PKHD1: variants seen among roughly 807,000 people sequenced by gnomAD.
PKHD1 encodes fibrocystin.
In PKHD1, 291 loss-of-function variants were observed where a neutral mutation model predicts 412.0. The ratio of observed to expected loss-of-function variants is 0.71; its 90% confidence interval spans 0.64 to 0.78. The LOEUF (loss-of-function observed/expected upper bound fraction) is 0.78. Ranked by LOEUF, PKHD1 falls within the 30% of genes least tolerant of loss-of-function variation. The pLI, the probability that PKHD1 is intolerant of heterozygous loss-of-function variation, is 0.00. For missense variants in PKHD1, 4,825 were observed against 4,950.7 expected (o/e 0.97, Z 0.76); for synonymous variants, 1,777 against 1,821.5 (o/e 0.98, Z 0.62).
intron 37 of PKHD1, among the ~76,000 whole-genome samples, chr6:51,929,933 C>T (rs1786312147): frequency 6.6e-6 from 1 of 152,192 alleles, no homozygotes; most frequent in Non-Finnish European, 1.5e-5. Context: ...AAGAAACTGT[C>T]AGCCAAATTT....
At chr6:51,636,369 C>A in intron 64 of PKHD1, among the ~76,000 whole-genome samples, 1 of 151,934 alleles carries the variant, frequency 6.6e-6, no homozygotes, top group East Asian at 1.9e-4. Context: ...AAGATCCCAT[C>A]TCTACCAAAA....
intron 60 of PKHD1, among the ~76,000 whole-genome samples, chr6:51,706,687 C>A (rs1259311929): frequency 6.6e-6 from 1 of 152,042 alleles, no homozygotes; most frequent in East Asian, 1.9e-4. Flanking sequence ...CCCTACAGTC[C>A]CATCCCAAGC....
rs542546099 is a variant in PKHD1 at position 51,909,206 on chromosome 6, A to G, written c.6682+77T>C. On this transcript the variant is annotated intron_variant, in intron 40 of 66. Transcript: ENST00000371117. ...ATCCCTCAAATCCCACATATCATCTATCATTCCACCATGCATGTAGTGCCT... is the reference window on the plus strand; with the variant it reads ...ATCCCTCAAATCCCACATATCATCTGTCATTCCACCATGCATGTAGTGCCT... 2.3e-5 allele frequency: 25 copies of G among 1,069,156 alleles called. 1 individual carries two copies. Among genetic ancestry groups the G allele is most frequent in the African/African-American group, 1.1e-4 (7 of 64,428 alleles). The allele number at this position is 1,069,156 out of a possible 1,614,324, so 66.2% of individuals were successfully genotyped here.
intron 1 of PKHD1, among the ~76,000 whole-genome samples, chr6:52,086,354 C>G (rs1032613082): frequency 1.3e-5 from 2 of 151,872 alleles, no homozygotes; most frequent in African/African-American, 4.8e-5. Context: ...CAAGTGATCT[C>G]CCTGCCTCAG....
intron 48 of PKHD1, among the ~76,000 whole-genome samples, chr6:51,866,822 C>T (rs1203595864): frequency 6.6e-6 from 1 of 152,044 alleles, no homozygotes; most frequent in African/African-American, 2.4e-5. Context: ...AAAAGTCATG[C>T]TCTGCACAAT....
At chr6:52,053,889 T>G in intron 20 of PKHD1, 149 bp downstream of exon 20, 1 of 793,944 alleles carries the variant, frequency 1.3e-6, no homozygotes, top group South Asian at 1.5e-5. Context: ...GTCAAACTTT[T>G]TTGTCAAATA....
intron 13 of PKHD1, 37 bp downstream of exon 13, chr6:52,064,918 T>G: frequency 1.0e-6 from 1 of 972,390 alleles, no homozygotes; most frequent in East Asian, 2.8e-5. Context: ...ATTAAAGATA[T>G]TCAGAGTTTA....
intron 35 of PKHD1, among the ~76,000 whole-genome samples, chr6:52,001,968 C>T (rs1228330618): frequency 3.3e-5 from 5 of 151,910 alleles, no homozygotes; most frequent in Non-Finnish European, 5.9e-5. Flanking sequence ...AATGATAATC[C>T]CTGGCACATT....
In PKHD1 at chr6:51,848,241, C is replaced by T. The variant is rs147135857; in HGVS notation, c.7912-271G>A. Among the ~76,000 whole-genome samples, 56 of 152,262 alleles carry T rather than the reference C, an allele frequency of 3.7e-4. 2 individuals carry two copies. The highest frequency in any genetic ancestry group is 1.3e-3 in the African/African-American group (56 of 41,546). ...TCATCTCGTTTAACAATCTCAATTA[C>T]CAGAGGAGAAAGCCAAGGCCCAGAC... On this transcript the variant is annotated intron_variant, in intron 49 of 66. Coordinates refer to ENST00000371117, the MANE Select transcript of PKHD1 (RefSeq NM_138694.4).
At chr6:51,645,222 A>G (rs1311177592) in intron 63 of PKHD1, among the ~76,000 whole-genome samples, 3 of 152,220 alleles carry the variant, frequency 2.0e-5, no homozygotes, top group Non-Finnish European at 4.4e-5. Context: ...AAGAATTTGC[A>G]AAAGTTAACA....
intron 66 of PKHD1, among the ~76,000 whole-genome samples, chr6:51,625,023 C>A (rs1160321156): frequency 3.9e-5 from 6 of 152,134 alleles, no homozygotes; most frequent in Admixed American, 3.3e-4. Flanking sequence ...AAAAACCTGG[C>A]AACAGTAAAA....
intron 35 of PKHD1, among the ~76,000 whole-genome samples, chr6:51,994,061 T>G (rs1438604895): frequency 1.3e-5 from 2 of 152,176 alleles, no homozygotes; most frequent in Admixed American, 6.5e-5. Context: ...AAGCTTTTAA[T>G]GTCTGACTGG....
chr6:51,798,207 C>T (rs374809547), intron 52 of PKHD1, among the ~76,000 whole-genome samples: 8 of 152,108 alleles, frequency 5.3e-5, no homozygotes, highest in African/African-American at 1.9e-4. Flanking sequence ...GGCAAAACCT[C>T]GTCTCTACTA....
intron 60 of PKHD1, among the ~76,000 whole-genome samples, chr6:51,708,931 A>C (rs1418655311): frequency 1.3e-5 from 2 of 152,258 alleles, no homozygotes; most frequent in Non-Finnish European, 2.9e-5. Flanking sequence ...AAGGGAAGAA[A>C]GAGCAGGAGA....
Position 51,836,367 on chromosome 6 carries a change from C to T in PKHD1, c.8173+37G>A, listed in dbSNP as rs12523900. The T allele has an allele frequency of 0.051, 68,775 of 1,346,820 alleles. 2,047 individuals carry two copies. Among genetic ancestry groups the T allele is most frequent in the East Asian group, 0.081 (3,528 of 43,592 alleles). The allele number at this position is 1,346,820 out of a possible 1,614,324, so 83.4% of individuals were successfully genotyped here. ...GTAGAACTACTGGAGGACATTCTGC[C>T]ATACTAGACACTTCTACTTCGTGTG... On this transcript the variant is annotated intron_variant, in intron 51 of 66. Transcript: ENST00000371117.
At position 52,028,309 on chromosome 6, in the gene PKHD1, T is replaced by C. The variant is rs41273726; in HGVS notation, c.3407A>G (p.Tyr1136Cys). 13,653 of 1,614,058 alleles carry C rather than the reference T, an allele frequency of 8.5e-3. 114 individuals carry two copies. The highest frequency in any genetic ancestry group is 9.8e-3 in the Non-Finnish European group (11,505 of 1,179,996). Reference protein sequence around the residue: ...LVIGVARLMNYTDLDVEVHVQ... With the variant: ...LVIGVARLMNCTDLDVEVHVQ... ...GTGGACTTCCACATCCAAATCCGTATAGTTCATCAGCCTCGCCACTCCAAT... is the reference window on the plus strand; with the variant it reads ...GTGGACTTCCACATCCAAATCCGTACAGTTCATCAGCCTCGCCACTCCAAT... Residue 1136 changes from tyrosine to cysteine, a missense_variant, in exon 30 of 67, where the codon TAT becomes TGT. By Grantham distance (194) the Tyr-to-Cys change is radical. Coordinates refer to ENST00000371117, the MANE Select transcript of PKHD1 (RefSeq NM_138694.4).
chr6:51,626,854 A>T, intron 66 of PKHD1, 143 bp downstream of exon 66: 2 of 810,838 alleles, frequency 2.5e-6, no homozygotes, highest in Non-Finnish European at 4.3e-6. Context: ...CTGCTGGGGT[A>T]TAATTTCTTT....
At chr6:51,880,779 T>TAAAAAAAAAAAAAAAAAAAAAAAA (rs71544105) in intron 46 of PKHD1, among the ~76,000 whole-genome samples, 5 of 30,036 alleles carry the variant, frequency 1.7e-4, no homozygotes, top group African/African-American at 2.0e-4. Flanking sequence ...AAAAAAAAAT[T>TAAAAAAAAAAAAAAAAAAAAAAAA]AAAAAAAAAA....
Position 51,748,405 on chromosome 6 carries a change from G to A in PKHD1, c.9211C>T (p.Pro3071Ser). 1 of 1,614,018 alleles carries A rather than the reference G, an allele frequency of 6.2e-7. No homozygotes were observed. Among genetic ancestry groups the A allele is most frequent in the South Asian group, 1.1e-5 (1 of 91,086 alleles). Residue 3071 changes from proline to serine, a missense_variant, in exon 58 of 67, where the codon CCA becomes TCA. Physicochemically the swap from Pro to Ser is moderately conservative, Grantham distance 74. Transcript: ENST00000371117. ...TNNLVVLMTQPAWSTIWVAGI... is the reference protein window; with the variant it reads ...TNNLVVLMTQSAWSTIWVAGI... ...GCCACCCAAATGGTGGACCACGCTG[G>A]CTGTGTCATCAGAACCACAAGGTTA...
Sources: gnomAD v4.1 joint callset for allele counts (sites outside exome capture counted in the v4.1 genomes callset) on GRCh38, gnomAD v4.1.1 for gene constraint, MANE v1.5 for transcripts, NCBI Gene and HGNC (gene_info 2026-07-23, HGNC 2026-07-21) for gene names.